MACROD2: variants seen among roughly 807,000 people sequenced by gnomAD.
MACROD2 encodes ADP-ribose glycohydrolase MACROD2.
MACROD2 carries 36 observed loss-of-function variants against 70.4 expected under a neutral mutation model. The ratio of observed to expected loss-of-function variants is 0.51; its 90% CI spans 0.39 to 0.68. The LOEUF (loss-of-function observed/expected upper bound fraction) is 0.68. MACROD2 is among the 30% of genes least tolerant of loss of function. The pLI is 0.00. For missense variants in MACROD2, 496 were observed against 538.4 expected, an observed-to-expected ratio of 0.92 and a Z score of 0.78; for synonymous variants, 172 against 178.8, an observed-to-expected ratio of 0.96 and a Z score of 0.30.
intron 3 of MACROD2, among the ~76,000 whole-genome samples, chr20:14,446,113 G>A (rs755398391): frequency 2.4e-4 from 36 of 152,042 alleles, no homozygotes; most frequent in Non-Finnish European, 4.6e-4. Context: ...GTTTGGTGAT[G>A]ACCCATCCAG....
At chr20:15,718,528 T>C (rs1321848421) in intron 8 of MACROD2, among the ~76,000 whole-genome samples, 2 of 152,198 alleles carry the variant, frequency 1.3e-5, no homozygotes, top group East Asian at 3.9e-4. Flanking sequence ...AAGCCATCTT[T>C]GTTCAGTCCT....
intron 8 of MACROD2, among the ~76,000 whole-genome samples, chr20:15,652,737 T>G (rs1381734518): frequency 6.6e-6 from 1 of 152,122 alleles, no homozygotes; most frequent in Non-Finnish European, 1.5e-5. Context: ...TTTTTTTTTT[T>G]ACATAGTTGC....
chr20:14,543,146 G>A (rs1815148208), intron 4 of MACROD2, among the ~76,000 whole-genome samples: 1 of 151,960 alleles, frequency 6.6e-6, no homozygotes, highest in Non-Finnish European at 1.5e-5. Context: ...GACCCCTAGT[G>A]GATGCCAGAA....
chr20:14,796,283 T>A (rs1774285932), intron 5 of MACROD2, among the ~76,000 whole-genome samples: 1 of 152,080 alleles, frequency 6.6e-6, no homozygotes, highest in Non-Finnish European at 1.5e-5. Context: ...TTTGATCTCT[T>A]AGGCTTTTTC....
chr20:15,033,877 G>A (rs943975452), intron 5 of MACROD2, among the ~76,000 whole-genome samples: 23 of 152,296 alleles, frequency 1.5e-4, no homozygotes, highest in African/African-American at 5.3e-4. Flanking sequence ...AGACACAAGG[G>A]AGTATTGCAG....
chr20:15,646,744 C>G (rs2146786122), intron 8 of MACROD2, among the ~76,000 whole-genome samples: 1 of 152,336 alleles, frequency 6.6e-6, no homozygotes, highest in South Asian at 2.1e-4. Flanking sequence ...ATTGGCACTT[C>G]TCTTTCCTGC....
chr20:14,327,302 G>T lies in MACROD2; in HGVS notation c.272-166177G>T, dbSNP rs398124653. The T allele has an allele frequency of 5.3e-5, 86 of 1,613,610 alleles. No homozygotes were observed. Among genetic ancestry groups the T allele is most frequent in the Non-Finnish European group, 6.8e-5 (80 of 1,179,752 alleles). ...GAAGGAATCCCAGCATTATTTATTT[G>T]GTTGTTCTGAAGGTAGAGAGTTGTA... On this transcript the variant is annotated intron_variant, in intron 3 of 17. Transcript: ENST00000684519.
chr20:15,561,189 T>C (rs2048239452), intron 8 of MACROD2, among the ~76,000 whole-genome samples: 1 of 152,256 alleles, frequency 6.6e-6, no homozygotes, highest in Admixed American at 6.5e-5. Flanking sequence ...TTTGCCTCAA[T>C]ATCCTTATTC....
In MACROD2 at chr20:15,590,293, G is replaced by A. The variant is rs76695996; in HGVS notation, c.645+90446G>A. Reference sequence around the variant, plus strand: ...TTTAATCTTCATAAAAATTTGTGAGGCAAGAGTTCATATTTCCAGTTTAAA... The same window carrying A: ...TTTAATCTTCATAAAAATTTGTGAGACAAGAGTTCATATTTCCAGTTTAAA... On this transcript the variant is annotated intron_variant, in intron 8 of 17. Transcript: ENST00000684519. Among the ~76,000 whole-genome samples, 1,179 of 152,210 alleles carry A rather than the reference G, an allele frequency of 7.7e-3. 7 individuals are homozygous for A. Among genetic ancestry groups the A allele is most frequent in the Non-Finnish European group, 0.013 (884 of 68,010 alleles).
intron 6 of MACROD2, among the ~76,000 whole-genome samples, chr20:15,277,392 G>C (rs983321168): frequency 6.6e-6 from 1 of 152,216 alleles, no homozygotes; most frequent in African/African-American, 2.4e-5. Flanking sequence ...TGGTGCTGAT[G>C]AATGAGGTTT....
intron 6 of MACROD2, among the ~76,000 whole-genome samples, chr20:15,353,894 T>A (rs1412053122): frequency 1.6e-5 from 2 of 125,324 alleles, no homozygotes; most frequent in African/African-American, 6.1e-5. Flanking sequence ...ACTTTTACAC[T>A]GTTGGTGGGA....
At chr20:15,075,753 AG>A (rs1376900414) in intron 5 of MACROD2, among the ~76,000 whole-genome samples, 3 of 152,172 alleles carry the variant, frequency 2.0e-5, no homozygotes, top group African/African-American at 7.2e-5. Context: ...TAAGAGGGTG[AG>A]GAAATACAGG....
intron 2 of MACROD2, among the ~76,000 whole-genome samples, chr20:14,062,417 GTCAT>G (rs1185992935): frequency 6.6e-6 from 1 of 152,166 alleles, no homozygotes; most frequent in Non-Finnish European, 1.5e-5. Context: ...GAATGACACA[GTCAT>G]TCAGAGTAGT....
intron 4 of MACROD2, among the ~76,000 whole-genome samples, chr20:14,677,785 A>C (rs1488944201): frequency 6.6e-6 from 1 of 152,096 alleles, no homozygotes; most frequent in Non-Finnish European, 1.5e-5. Flanking sequence ...TGAGTAGGAG[A>C]GCTTGGCTTT....
chr20:14,402,594 G>A (rs559951426), intron 3 of MACROD2, among the ~76,000 whole-genome samples: 1 of 152,048 alleles, frequency 6.6e-6, no homozygotes, highest in African/African-American at 2.4e-5. Flanking sequence ...TCCCAGAAAT[G>A]TTATGATAGT....
intron 6 of MACROD2, among the ~76,000 whole-genome samples, chr20:15,411,734 A>G (rs1376362901): frequency 6.6e-6 from 1 of 152,186 alleles, no homozygotes; most frequent in East Asian, 1.9e-4. Flanking sequence ...GCTGGGGAAA[A>G]AGTATGACCT....
chr20:14,942,392 CCTT>C (rs1460374335), intron 5 of MACROD2, among the ~76,000 whole-genome samples: 1 of 150,512 alleles, frequency 6.6e-6, no homozygotes, highest in Non-Finnish European at 1.5e-5. Context: ...TTTTTTTTCT[CCTT>C]CTCCTTCTTC....
At chr20:14,862,348 AAAATATATATATAAATATATAT>A in intron 5 of MACROD2, among the ~76,000 whole-genome samples, 1 of 11,058 alleles carries the variant, frequency 9.0e-5, no homozygotes, top group Admixed American at 2.3e-3. Context: ...TTAATATATA[AAAATATATATATAAATATATAT>A]AAATATATAT....
chr20:14,132,279 C>T (rs1464773903), intron 3 of MACROD2, among the ~76,000 whole-genome samples: 1 of 151,976 alleles, frequency 6.6e-6, no homozygotes, highest in African/African-American at 2.4e-5. Context: ...AACTGCTGGG[C>T]TCAAGCGATC....
Sources: gnomAD v4.1 joint callset for allele counts (sites outside exome capture counted in the v4.1 genomes callset) on GRCh38, gnomAD v4.1.1 for gene constraint, MANE v1.5 for transcripts, NCBI Gene and HGNC (gene_info 2026-07-23, HGNC 2026-07-21) for gene names.